Variants in SLCO1B3 observed in about 807,000 individuals in gnomAD.
SLCO1B3 encodes solute carrier organic anion transporter family member 1B3.
Under a neutral mutation model 71.8 loss-of-function variants are expected in SLCO1B3, and 72 were observed. The ratio of observed to expected loss-of-function variants is 1.00; its 90% CI spans 0.83 to 1.22. The LOEUF (loss-of-function observed/expected upper bound fraction) is 1.22. Ranked by LOEUF, SLCO1B3 falls within the 50% of genes most tolerant of loss-of-function variation. The pLI is 0.00. For missense variants in SLCO1B3, 911 were observed against 819.7 expected (o/e 1.11, Z -1.36); for synonymous variants, 298 against 278.4 (o/e 1.07, Z -0.70).
At chr12:20,890,590 A>G (rs1451049546) in intron 13 of SLCO1B3, among the ~76,000 whole-genome samples, 1 of 152,182 alleles carries the variant, frequency 6.6e-6, no homozygotes, top group Non-Finnish European at 1.5e-5. Flanking sequence ...GGCTGCCATG[A>G]TCTGCCTAGT....
intron 13 of SLCO1B3, 75 bp from the exon 14 acceptor site, chr12:20,898,361 G>A (rs1866058115): frequency 2.2e-6 from 2 of 898,234 alleles, no homozygotes; most frequent in Admixed American, 3.5e-5. Context: ...GAATGATGCT[G>A]ATAAATGTTT....
At chr12:20,861,220 A>G (rs564741685) in intron 6 of SLCO1B3, 82 bp downstream of exon 6, 1 of 1,262,428 alleles carries the variant, frequency 7.9e-7, no homozygotes, top group South Asian at 1.6e-5. Context: ...ATTCTTTAAC[A>G]AAATTGATTT....
rs1555156228 is a variant in SLCO1B3 at position 20,860,599 on chromosome 12, T to TGTGTGTGTGTGTGTGTG, written c.360-418_360-417insGTGTGTGTGTGTGTGTG. 4.2e-3 allele frequency among the ~76,000 whole-genome samples: 620 copies of TGTGTGTGTGTGTGTGTG among 146,720 alleles called. 5 individuals carry two copies. Among genetic ancestry groups the TGTGTGTGTGTGTGTGTG allele is most frequent in the African/African-American group, 0.015 (594 of 39,628 alleles). ...ATTGAGTTTTGAAAAGTCAAGCACTTTGTGTGTGTGTGTGTGTGTGTGTGT... is the reference window on the plus strand; with the variant it reads ...ATTGAGTTTTGAAAAGTCAAGCACTTGTGTGTGTGTGTGTGTGTGTGTGTGTGTGTGTGTGTGTGTGT... On this transcript the variant is annotated intron_variant, in intron 5 of 15. Coordinates refer to ENST00000381545, the MANE Select transcript of SLCO1B3 (RefSeq NM_019844.4).
At chr12:20,914,755 G>T (rs1866459302) in intron 15 of SLCO1B3, among the ~76,000 whole-genome samples, 1 of 152,016 alleles carries the variant, frequency 6.6e-6, no homozygotes, top group Admixed American at 6.6e-5. Flanking sequence ...TTTCGACTTA[G>T]CTTTTGAAAG....
intron 3 of SLCO1B3, among the ~76,000 whole-genome samples, chr12:20,822,183 A>C (rs563200065): frequency 1.3e-5 from 2 of 152,272 alleles, no homozygotes; most frequent in East Asian, 3.9e-4. Flanking sequence ...CACGGCACCA[A>C]ATTTCATGTG....
chr12:20,910,044 T>C (rs1323223185), intron 15 of SLCO1B3, among the ~76,000 whole-genome samples: 1 of 152,186 alleles, frequency 6.6e-6, no homozygotes, highest in East Asian at 1.9e-4. Context: ...TGAAAAGTCA[T>C]AACCGAATCC....
Position 20,879,510 on chromosome 12 carries a change from T to G in SLCO1B3, c.1210T>G (p.Leu404Val). 6.2e-7 allele frequency: 1 copy of G among 1,611,246 alleles called. No individual in the cohort carries two copies. Among genetic ancestry groups the G allele is most frequent in the Non-Finnish European group, 8.5e-7 (1 of 1,177,572 alleles). ...GFIIKKFKLS[L>V]VGIAKFSFLT... Reference sequence around the variant, plus strand: ...TATCATTAAAAAATTCAAATTGTCTTTAGTTGGAATTGCCAAATTTTCATT... The same window carrying G: ...TATCATTAAAAAATTCAAATTGTCTGTAGTTGGAATTGCCAAATTTTCATT... The change falls in exon 11 of 16, where the codon TTA becomes GTA. Residue 404 changes from leucine to valine, a missense_variant. Coordinates refer to ENST00000381545, the MANE Select transcript of SLCO1B3 (RefSeq NM_019844.4).
chr12:20,826,867 G>A (rs1433450027), intron 3 of SLCO1B3, among the ~76,000 whole-genome samples: 1 of 151,714 alleles, frequency 6.6e-6, no homozygotes, highest in East Asian at 1.9e-4. Flanking sequence ...CTTTAAATAA[G>A]AACATATTTT....
chr12:20,872,591 T>C (rs1160951500), intron 8 of SLCO1B3, among the ~76,000 whole-genome samples: 1 of 152,010 alleles, frequency 6.6e-6, no homozygotes, highest in East Asian at 2.0e-4. Flanking sequence ...TGCATTACTT[T>C]GCATTACTTT....
chr12:20,902,164 A>T (rs1380205635), intron 15 of SLCO1B3: 1 of 236,868 alleles, frequency 4.2e-6, no homozygotes, highest in Non-Finnish European at 8.4e-6. Context: ...AAGGATTTAT[A>T]TTGCTTTGTG....
chr12:20,825,058 C>G (rs1864391678), intron 3 of SLCO1B3, among the ~76,000 whole-genome samples: 1 of 152,236 alleles, frequency 6.6e-6, no homozygotes, highest in East Asian at 1.9e-4. Flanking sequence ...AAATCTGTCT[C>G]TCAAATCTTA....
intron 13 of SLCO1B3, among the ~76,000 whole-genome samples, chr12:20,890,011 G>T (rs1244646569): frequency 3.3e-5 from 5 of 151,662 alleles, no homozygotes; most frequent in African/African-American, 1.2e-4. Flanking sequence ...TCTACCTCTT[G>T]GGTTCAAGCA....
rs1043608996 is a variant in SLCO1B3, at chr12:20,855,806, G to T, written c.226+637G>T. On this transcript the variant is annotated intron_variant, in intron 4 of 15. Coordinates refer to ENST00000381545, the MANE Select transcript of SLCO1B3 (RefSeq NM_019844.4). ...ATTTTCAATATAATAATTTTTCAAAGAAAAATTAAAATTTTTCTTATTTTA... is the reference window on the plus strand; with the variant it reads ...ATTTTCAATATAATAATTTTTCAAATAAAAATTAAAATTTTTCTTATTTTA... Among the ~76,000 whole-genome samples the T allele has an allele frequency of 6.6e-5, 10 of 150,958 alleles. No individual in the cohort carries two copies. In the East Asian group the frequency reaches 1.9e-3, roughly 29 times the overall value.
intron 15 of SLCO1B3, among the ~76,000 whole-genome samples, chr12:20,909,354 T>C (rs1866323439): frequency 4.6e-5 from 7 of 150,730 alleles, no homozygotes. Flanking sequence ...TTTGTATTTT[T>C]AGTAGAGACA....
chr12:20,887,662 G>A (rs1865818447), intron 13 of SLCO1B3, among the ~76,000 whole-genome samples: 2 of 150,014 alleles, frequency 1.3e-5, no homozygotes, highest in African/African-American at 2.4e-5. Context: ...CCCATTCTGT[G>A]GTTTGTCTGT....
chr12:20,865,500 T>C (rs1436089033), intron 8 of SLCO1B3, among the ~76,000 whole-genome samples: 1 of 152,040 alleles, frequency 6.6e-6, no homozygotes, highest in African/African-American at 2.4e-5. Flanking sequence ...TTTATTTTAC[T>C]GAGATAAGAA....
chr12:20,849,867 A>G (rs189948045), intron 3 of SLCO1B3, among the ~76,000 whole-genome samples: 1 of 152,080 alleles, frequency 6.6e-6, no homozygotes, highest in African/African-American at 2.4e-5. Flanking sequence ...GGTTAAAAAA[A>G]ATCACACACT....
chr12:20,904,431 A>G (rs1202891942), intron 15 of SLCO1B3, among the ~76,000 whole-genome samples: 2 of 152,120 alleles, frequency 1.3e-5, no homozygotes, highest in East Asian at 3.9e-4. Flanking sequence ...TCACACATCT[A>G]GGGCACAATG....
At position 20,875,415 on chromosome 12, in the gene SLCO1B3, ATGATAGAAATCAAACAGCTAATT is replaced by A; in HGVS notation, c.912_934del (p.Arg305GlnfsTer49). On this transcript the variant is annotated frameshift_variant, in exon 9 of 16. Coordinates refer to ENST00000381545, the MANE Select transcript of SLCO1B3 (RefSeq NM_019844.4). LOFTEE classifies it high-confidence loss of function. ...TCATTGCATGTGCTGAAAACAAATG[ATGATAGAAATCAAACAGCTAATT>A]TGACCAACCAAGGAAAAAATGTTAC... 1 of 1,608,330 alleles carries A rather than the reference ATGATAGAAATCAAACAGCTAATT, an allele frequency of 6.2e-7. No individual in the cohort carries two copies. Among genetic ancestry groups the A allele is most frequent in the Admixed American group, 1.7e-5 (1 of 58,370 alleles).
Sources: allele counts gnomAD v4.1 joint callset (sites outside exome capture counted in the v4.1 genomes callset), GRCh38; gene constraint gnomAD v4.1.1; transcripts MANE v1.5; gene names NCBI Gene and HGNC (gene_info 2026-07-23, HGNC 2026-07-21).